TJP1: variants seen among roughly 807,000 people sequenced by gnomAD.
TJP1 encodes tight junction protein 1.
TJP1 carries 43 observed loss-of-function variants against 194.2 expected under a neutral mutation model. The ratio of observed to expected loss-of-function variants is 0.22; its 90% confidence interval spans 0.17 to 0.29. The LOEUF (loss-of-function observed/expected upper bound fraction) is 0.29. TJP1 is among the 10% of genes least tolerant of loss of function. The pLI, the probability that TJP1 is intolerant of heterozygous loss-of-function variation, is 1.00. For synonymous variants in TJP1, 801 were observed against 779.0 expected, an observed-to-expected ratio of 1.03 and a Z score of -0.47; for missense variants, 1,971 against 2,185.7, an observed-to-expected ratio of 0.90 and a Z score of 1.96.
chr15:29,968,746 AT>A lies in TJP1; in HGVS notation c.93del (p.Lys31AsnfsTer3). ...ATGGCCATCTGCAGCACCGTCAGGTATTTCTGGTACTTCATCTTGTCCCCGC... is the reference window on the plus strand; with the variant it reads ...ATGGCCATCTGCAGCACCGTCAGGTATTCTGGTACTTCATCTTGTCCCCGC... On this transcript the variant is annotated frameshift_variant, in exon 1 of 29. Coordinates refer to the TJP1 transcript ENST00000356107. LOFTEE classifies it high-confidence loss of function. 1 of 1,231,812 alleles carries A rather than the reference AT, an allele frequency of 8.1e-7. No homozygotes were observed. The highest frequency in any genetic ancestry group is 1.0e-6 in the Non-Finnish European group (1 of 956,930). The allele number at this position is 1,231,812 out of a possible 1,614,324, so 76.3% of individuals were successfully genotyped here. A position where few individuals can be genotyped will look rare whatever the true frequency, so the allele number is the denominator to read the frequency against.
At chr15:29,722,297 G>T (rs1013341351) in intron 18 of TJP1, among the ~76,000 whole-genome samples, 1 of 152,182 alleles carries the variant, frequency 6.6e-6, no homozygotes, top group African/African-American at 2.4e-5. Flanking sequence ...GGTGATCCAG[G>T]CCCGGCCCTG....
intron 9 of TJP1, among the ~76,000 whole-genome samples, chr15:29,741,839 T>C (rs908091791): frequency 6.6e-6 from 1 of 152,158 alleles, no homozygotes; most frequent in East Asian, 1.9e-4. Flanking sequence ...GAAAAGGAAG[T>C]GAAAGACATC....
intron 27 of TJP1, among the ~76,000 whole-genome samples, chr15:29,702,401 A>G (rs2041605130): frequency 6.6e-6 from 1 of 152,148 alleles, no homozygotes; most frequent in African/African-American, 2.4e-5. Flanking sequence ...GGTGATTTCT[A>G]TTAGATGTGA....
intron 11 of TJP1, among the ~76,000 whole-genome samples, chr15:29,736,932 T>C (rs372258722): frequency 1.3e-5 from 2 of 152,228 alleles, no homozygotes; most frequent in South Asian, 4.1e-4. Context: ...GTCTGAATGT[T>C]TAGTTGAACT....
chr15:29,709,980 T>C (rs1220776751), intron 24 of TJP1, among the ~76,000 whole-genome samples: 1 of 152,064 alleles, frequency 6.6e-6, no homozygotes, highest in African/African-American at 2.4e-5. Context: ...ACCCTGTCTC[T>C]ACAAAAAATA....
At chr15:29,956,589 ATT>A (rs2055951226) in intron 1 of TJP1, among the ~76,000 whole-genome samples, 1 of 152,164 alleles carries the variant, frequency 6.6e-6, no homozygotes, top group African/African-American at 2.4e-5. Flanking sequence ...CAACATTAAG[ATT>A]TATTAGACTG....
intron 4 of TJP1, among the ~76,000 whole-genome samples, chr15:29,770,516 C>T (rs1381692663): frequency 6.6e-6 from 1 of 151,702 alleles, no homozygotes; most frequent in Non-Finnish European, 1.5e-5. Context: ...GAGATCGACA[C>T]CATCCTGGCT....
Position 29,946,954 on chromosome 15 carries a change from A to G in TJP1, c.306+9278T>C, listed in dbSNP as rs146074277. 1.0e-3 allele frequency among the ~76,000 whole-genome samples: 155 copies of G among 152,362 alleles called. 1 individual carries two copies. In the Middle Eastern group the frequency reaches 0.01, roughly 10 times the overall value. ...ATTTGTCCTAGATAGACAAGTTTTC[A>G]TAAGTCTAACTAAAAATGCTACTGC... On this transcript the variant is annotated intron_variant, in intron 2 of 28. Transcript: ENST00000356107.
chr15:29,819,301 T>C (rs539089367), intron 1 of TJP1, among the ~76,000 whole-genome samples: 57 of 152,314 alleles, frequency 3.7e-4, no homozygotes, highest in African/African-American at 1.2e-3. Flanking sequence ...GTCTACAATA[T>C]TATTTTTTAC....
intron 1 of TJP1, among the ~76,000 whole-genome samples, chr15:29,962,974 T>C (rs768868363): frequency 1.5e-4 from 23 of 152,160 alleles, no homozygotes; most frequent in Non-Finnish European, 2.5e-4. Flanking sequence ...ACCCCGTCTC[T>C]ACTAAAAATA....
At chr15:29,847,729 G>C (rs2051471948) in intron 2 of TJP1, among the ~76,000 whole-genome samples, 1 of 152,142 alleles carries the variant, frequency 6.6e-6, no homozygotes, top group Non-Finnish European at 1.5e-5. Context: ...AGGTTGCAGT[G>C]AGCAGAGATC....
chr15:29,748,963 TGCGCGCGCGC>T (rs56413711), intron 8 of TJP1, among the ~76,000 whole-genome samples: 4 of 10,574 alleles, frequency 3.8e-4, no homozygotes, highest in Non-Finnish European at 1.1e-3. Context: ...TGCGCGTGTG[TGCGCGCGCGC>T]GTTTGCTATT....
chr15:29,754,225 C>T lies in TJP1; in HGVS notation c.1010+6914G>A, dbSNP rs533778220. 2.0e-5 allele frequency among the ~76,000 whole-genome samples: 3 copies of T among 152,320 alleles called. No homozygotes were observed. The East Asian group carries it at 5.8e-4, about 29-fold the overall frequency. On this transcript the variant is annotated intron_variant, in intron 8 of 27. Coordinates refer to ENST00000614355, the MANE Select transcript of TJP1 (RefSeq NM_001330239.4). ...AAAAAGAACATGTCTTTTGCCAGAA[C>T]ATGAGTGGAGCTGGAGGCCATTACC...
intron 2 of TJP1, among the ~76,000 whole-genome samples, chr15:29,900,920 A>T (rs1458498827): frequency 1.3e-5 from 2 of 152,190 alleles, no homozygotes; most frequent in African/African-American, 4.8e-5. Context: ...AAATGAGTAG[A>T]AGATTCAGAT....
intron 2 of TJP1, among the ~76,000 whole-genome samples, chr15:29,784,466 AT>A (rs547487976): frequency 6.6e-6 from 1 of 151,126 alleles, no homozygotes; most frequent in African/African-American, 2.4e-5. Context: ...AGCCTGGCTA[AT>A]TTTTTTTTGT....
rs982788984 is a variant in TJP1, at chr15:29,718,494, A to C, written c.3648T>G (p.Pro1216=). Reference sequence around the variant, plus strand: ...GAGGGACAGCTGCAGCACCATGGAGAGGCTCAAAATGACCTGCTCTAGAGG... The same window carrying C: ...GAGGGACAGCTGCAGCACCATGGAGCGGCTCAAAATGACCTGCTCTAGAGG... ...GFTSRAGHFE[P]LHGAAAVPPL... is the part of the protein sequence containing the mutation. The change falls in exon 21 of 28, where the codon CCT becomes CCG. Residue 1216 remains proline, a synonymous_variant. Transcript: ENST00000614355. The C allele has an allele frequency of 3.7e-6, 6 of 1,614,016 alleles. No homozygotes were observed. Among genetic ancestry groups the C allele is most frequent in the Non-Finnish European group, 5.1e-6 (6 of 1,180,024 alleles).
intron 2 of TJP1, among the ~76,000 whole-genome samples, chr15:29,921,847 C>CTTTT (rs202166290): frequency 0.014 from 1,990 of 147,264 alleles, 19 homozygotes; most frequent in Middle Eastern, 0.021. Flanking sequence ...TTCTTTCTTT[C>CTTTT]TTTTTTTTTT....
intron 8 of TJP1, 134 bp downstream of exon 8, chr15:29,760,996 AAAAATGTCT>A (rs2045966302): frequency 9.0e-7 from 1 of 1,107,870 alleles, no homozygotes; most frequent in Non-Finnish European, 1.2e-6. Context: ...TTTAGATTTA[AAAAATGTCT>A]AAGTTGAGAA....
chr15:29,910,549 G>A lies in TJP1; in HGVS notation c.306+45683C>T, dbSNP rs541147522. On this transcript the variant is annotated intron_variant, in intron 2 of 28. Coordinates refer to the TJP1 transcript ENST00000356107. ...GAAGTGTATTTTAATTATTGTCAGC[G>A]ATTAATACTATTCTTACTATCTGAA... Among the ~76,000 whole-genome samples, 17 of 152,222 alleles carry A rather than the reference G, an allele frequency of 1.1e-4. No individual in the cohort carries two copies. In the East Asian group the frequency reaches 1.7e-3, roughly 16 times the overall value.
Sources: gnomAD v4.1 joint callset for allele counts (sites outside exome capture counted in the v4.1 genomes callset) on GRCh38, gnomAD v4.1.1 for gene constraint, MANE v1.5 for transcripts, NCBI Gene and HGNC (gene_info 2026-07-23, HGNC 2026-07-21) for gene names.